The following IQCK variants were observed in gnomAD, a reference collection of about 807,000 sequenced individuals.
IQCK encodes IQ motif containing K.
In IQCK, 29 loss-of-function variants were observed where a neutral mutation model predicts 28.1. That is an observed-to-expected ratio of 1.03 (90% CI 0.77 to 1.41). The LOEUF (loss-of-function observed/expected upper bound fraction) is 1.41. IQCK is among the 40% of genes most tolerant of loss of function. The pLI is 0.00. For missense variants in IQCK, 359 were observed against 314.7 expected (o/e 1.14, Z -1.07); for synonymous variants, 113 against 115.1 (o/e 0.98, Z 0.12).
chr16:19,775,476 G>A (rs1024102533), intron 6 of IQCK, among the ~76,000 whole-genome samples: 5 of 151,998 alleles, frequency 3.3e-5, no homozygotes, highest in Admixed American at 6.6e-5. Flanking sequence ...ATTATTCTGG[G>A]CACTTTATAA....
chr16:19,821,615 C>T (rs902669800), intron 7 of IQCK, among the ~76,000 whole-genome samples: 1 of 152,082 alleles, frequency 6.6e-6, no homozygotes, highest in Non-Finnish European at 1.5e-5. Flanking sequence ...GCATGAGAAT[C>T]GCTTGAAAGT....
chr16:19,832,914 G>A (rs1000794899), intron 9 of IQCK, among the ~76,000 whole-genome samples: 2 of 152,128 alleles, frequency 1.3e-5, no homozygotes, highest in Admixed American at 1.3e-4. Flanking sequence ...ACAGTATGGG[G>A]GAAACCTCCC....
intron 7 of IQCK, among the ~76,000 whole-genome samples, chr16:19,820,037 C>A (rs1280660002): frequency 1.3e-5 from 2 of 152,074 alleles, no homozygotes; most frequent in African/African-American, 4.8e-5. Context: ...TTGATATCCA[C>A]ATGCCAAAAA....
At chr16:19,803,057 C>G (rs1014952241) in intron 7 of IQCK, among the ~76,000 whole-genome samples, 3 of 152,132 alleles carry the variant, frequency 2.0e-5, no homozygotes, top group African/African-American at 4.8e-5. Context: ...GTCTTATTCC[C>G]CTGAGATTCT....
downstream of IQCK, among the ~76,000 whole-genome samples, chr16:19,829,262 C>G (rs1332005836): frequency 5.9e-5 from 9 of 151,858 alleles, no homozygotes; most frequent in East Asian, 1.5e-3. Context: ...CAGTGGGCTG[C>G]AGCCCCTCTA....
chr16:19,827,245 G>T, downstream of IQCK: 1 of 730,422 alleles, frequency 1.4e-6, no homozygotes, highest in Middle Eastern at 2.4e-4. Flanking sequence ...TGTCTGCATG[G>T]AACTCAGCTT....
rs763611697 is a variant in IQCK at position 19,763,855 on chromosome 16, G to T, written c.482G>T (p.Arg161Ile). The change falls in exon 5 of 8, where the codon AGA becomes ATA. Residue 161 changes from arginine (R) to isoleucine (I), a missense_variant. Arg to Ile is a moderately conservative substitution (Grantham distance 97). Coordinates refer to ENST00000564186, the Ensembl canonical transcript of IQCK. ...TATCTCTTCTCTCTTCAGAGGAAAA[G>T]AACCAAATTCATTGCCTGTGATTTT... The T allele has an allele frequency of 2.5e-6, 4 of 1,613,122 alleles. No individual in the cohort carries two copies. The South Asian group carries it at 3.3e-5, about 13-fold the overall frequency.
intron 7 of IQCK, among the ~76,000 whole-genome samples, chr16:19,811,837 CCTAGGTTTCTT>C (rs1210463885): frequency 1.3e-5 from 2 of 152,134 alleles, no homozygotes; most frequent in Admixed American, 1.3e-4. Flanking sequence ...ATTAGAATCA[CCTAGGTTTCTT>C]CCTGAACATG....
Position 19,718,512 on chromosome 16 carries a change from G to C in IQCK, c.181+25G>C, listed in dbSNP as rs752654919. On this transcript the variant is annotated intron_variant, in intron 1 of 7. Transcript: ENST00000564186. Reference sequence around the variant, plus strand: ...GGTAGGAAACCTGGGCTGGCCGAGAGGGGCGGGACCCGGGCGGCCGGACGG... The same window carrying C: ...GGTAGGAAACCTGGGCTGGCCGAGACGGGCGGGACCCGGGCGGCCGGACGG... 3.2e-6 allele frequency: 5 copies of C among 1,564,378 alleles called. No homozygotes were observed. In the Admixed American group the frequency reaches 7.7e-5, roughly 24 times the overall value.
chr16:19,851,620 C>T (rs1390963219), intron 9 of IQCK, among the ~76,000 whole-genome samples: 1 of 152,100 alleles, frequency 6.6e-6, no homozygotes, highest in Non-Finnish European at 1.5e-5. Context: ...CCCTTCTTGT[C>T]ACATTGCCTT....
intron 6 of IQCK, among the ~76,000 whole-genome samples, chr16:19,772,537 A>G (rs2055333526): frequency 6.6e-6 from 1 of 152,224 alleles, no homozygotes. Context: ...AAACATGCCA[A>G]AATATTTATA....
At chr16:19,774,793 A>G (rs573658999) in intron 6 of IQCK, among the ~76,000 whole-genome samples, 2 of 152,350 alleles carry the variant, frequency 1.3e-5, no homozygotes, top group East Asian at 3.9e-4. Flanking sequence ...AACGACAAAC[A>G]TGTTTCCCGT....
chr16:19,777,777 A>G (rs898851206), intron 6 of IQCK, among the ~76,000 whole-genome samples: 1 of 152,172 alleles, frequency 6.6e-6, no homozygotes, highest in Non-Finnish European at 1.5e-5. Context: ...AGGGCCGGGC[A>G]CGGTGGCTCA....
chr16:19,841,897 G>C (rs190735962), intron 9 of IQCK, among the ~76,000 whole-genome samples: 4 of 150,608 alleles, frequency 2.7e-5, no homozygotes, highest in Non-Finnish European at 5.9e-5. Flanking sequence ...CCAAGCTGGA[G>C]TTCAGTGGTG....
rs768949440 is a variant in IQCK at position 19,763,833 on chromosome 16, C to T, written c.475-15C>T. The T allele has an allele frequency of 6.9e-6, 11 of 1,597,368 alleles. No individual in the cohort carries two copies. Among genetic ancestry groups the T allele is most frequent in the Non-Finnish European group, 9.4e-6 (11 of 1,164,992 alleles). Reference sequence around the variant, plus strand: ...TAAGGGTCAGTTGTAATTTAATTATCTCTTCTCTCTTCAGAGGAAAAGAAC... The same window carrying T: ...TAAGGGTCAGTTGTAATTTAATTATTTCTTCTCTCTTCAGAGGAAAAGAAC... On this transcript the variant is annotated splice_polypyrimidine_tract_variant and intron_variant, in intron 4 of 7. Coordinates refer to ENST00000564186, the Ensembl canonical transcript of IQCK.
intron 7 of IQCK, among the ~76,000 whole-genome samples, chr16:19,789,432 A>C (rs947814057): frequency 1.1e-5 from 1 of 88,518 alleles, no homozygotes; most frequent in Non-Finnish European, 1.9e-5. Context: ...AAAAAAAAAA[A>C]AAAACACAAA....
chr16:19,770,186 C>T (rs943884240), intron 6 of IQCK, among the ~76,000 whole-genome samples: 2 of 152,100 alleles, frequency 1.3e-5, no homozygotes, highest in East Asian at 1.9e-4. Flanking sequence ...AGGGCTGAAC[C>T]GAGGGGTAGC....
intron 4 of IQCK, among the ~76,000 whole-genome samples, chr16:19,737,450 C>T (rs1411630315): frequency 6.6e-6 from 1 of 152,144 alleles, no homozygotes; most frequent in Non-Finnish European, 1.5e-5. Context: ...TTATACCTCC[C>T]CCTAATTGCC....
At chr16:19,834,621 G>GC (rs2056272625) in intron 9 of IQCK, among the ~76,000 whole-genome samples, 1 of 152,194 alleles carries the variant, frequency 6.6e-6, no homozygotes, top group South Asian at 2.1e-4. Flanking sequence ...GAGGCTGAGA[G>GC]CCCCATTCAA....
Sources: gnomAD v4.1 joint callset for allele counts (sites outside exome capture counted in the v4.1 genomes callset) on GRCh38, gnomAD v4.1.1 for gene constraint, MANE v1.5 for transcripts, NCBI Gene and HGNC (gene_info 2026-07-23, HGNC 2026-07-21) for gene names.